Variants in ADGRL2 observed in about 807,000 individuals in gnomAD.
ADGRL2 encodes calcium-independent alpha-latrotoxin receptor 2.
A neutral mutation model predicts 157.4 loss-of-function variants in ADGRL2; 44 were observed. The ratio of observed to expected loss-of-function variants is 0.28; its 90% confidence interval spans 0.22 to 0.36. The LOEUF (loss-of-function observed/expected upper bound fraction) is 0.36. Among genes scored for constraint, ADGRL2 ranks in the 10% least tolerant of loss-of-function variants. The pLI is 1.00. For missense variants in ADGRL2, 1,510 were observed against 1,768.9 expected (o/e 0.85, Z 2.63); for synonymous variants, 585 against 624.7 (o/e 0.94, Z 0.95).
chr1:81,450,923 C>G (rs1571001502), intron 2 of ADGRL2, among the ~76,000 whole-genome samples: 1 of 152,072 alleles, frequency 6.6e-6, no homozygotes. Context: ...TTTGTTCATT[C>G]CATAAACTTA....
intron 1 of ADGRL2, among the ~76,000 whole-genome samples, chr1:81,347,269 T>C (rs1288097842): frequency 1.3e-5 from 2 of 151,824 alleles, no homozygotes; most frequent in Non-Finnish European, 2.9e-5. Context: ...GGTGTGGTGG[T>C]GTGTGTCTGT....
intron 13 of ADGRL2, among the ~76,000 whole-genome samples, chr1:81,967,214 A>C (rs1162988274): frequency 6.6e-6 from 1 of 152,162 alleles, no homozygotes. Flanking sequence ...GGCAAAGAAA[A>C]ATAAATTTGT....
intron 9 of ADGRL2, 110 bp from the exon 10 acceptor site, chr1:81,952,877 T>G (rs1652296484): frequency 9.9e-6 from 8 of 807,724 alleles, no homozygotes; most frequent in Non-Finnish European, 1.7e-5. Flanking sequence ...GACTACTGCA[T>G]ATAAACTTCG....
intron 2 of ADGRL2, among the ~76,000 whole-genome samples, chr1:81,579,659 G>T (rs572305240): frequency 2.5e-4 from 38 of 152,032 alleles, no homozygotes; most frequent in African/African-American, 8.2e-4. Flanking sequence ...CTTCTGAAGG[G>T]TGTTCAGAAT....
At chr1:81,605,702 G>A (rs573686180) in intron 3 of ADGRL2, among the ~76,000 whole-genome samples, 4 of 152,286 alleles carry the variant, frequency 2.6e-5, no homozygotes, top group African/African-American at 9.6e-5. Context: ...TATCTTGGGA[G>A]AAACTTAACA....
At chr1:81,924,280 C>T (rs985662973) in intron 3 of ADGRL2, among the ~76,000 whole-genome samples, 7 of 152,224 alleles carry the variant, frequency 4.6e-5, no homozygotes, top group East Asian at 1.9e-4. Flanking sequence ...TAATTTTCTA[C>T]CTCAGGGACT....
intron 1 of ADGRL2, among the ~76,000 whole-genome samples, chr1:81,808,689 G>A (rs947463854): frequency 6.6e-6 from 1 of 151,960 alleles, no homozygotes; most frequent in Non-Finnish European, 1.5e-5. Flanking sequence ...TATTATCAGC[G>A]ACCAAAATAC....
At chr1:81,727,945 C>T (rs1017106232) in intron 1 of ADGRL2, among the ~76,000 whole-genome samples, 5 of 151,852 alleles carry the variant, frequency 3.3e-5, no homozygotes, top group African/African-American at 4.8e-5. Context: ...TTGTTTACTG[C>T]TAAATACCAG....
At chr1:81,787,915 A>G (rs2087135926) in intron 2 of ADGRL2, among the ~76,000 whole-genome samples, 2 of 152,218 alleles carry the variant, frequency 1.3e-5, no homozygotes, top group South Asian at 4.1e-4. Flanking sequence ...TATTGACAGT[A>G]TAATTCACAC....
chr1:81,989,242 T>C (rs535558509), intron 23 of ADGRL2, among the ~76,000 whole-genome samples: 1 of 152,312 alleles, frequency 6.6e-6, no homozygotes, highest in South Asian at 2.1e-4. Context: ...GATAAAAATA[T>C]ATTAGCCAAG....
chr1:81,883,821 C>A (rs2094050574), intron 2 of ADGRL2, among the ~76,000 whole-genome samples: 1 of 151,734 alleles, frequency 6.6e-6, no homozygotes, highest in East Asian at 1.9e-4. Flanking sequence ...TACTGTCTTC[C>A]TTTATCAGTT....
chr1:81,802,190 C>A (rs2088299702), intron 1 of ADGRL2, among the ~76,000 whole-genome samples: 1 of 151,910 alleles, frequency 6.6e-6, no homozygotes, highest in South Asian at 2.1e-4. Flanking sequence ...GCGGCCCCCA[C>A]GCCAGACGGC....
chr1:81,984,510 C>A (rs1154816), intron 19 of ADGRL2, 73 bp from the exon 20 acceptor site: 285,686 of 1,360,574 alleles, frequency 0.21, 34,225 homozygotes, highest in East Asian at 0.58. Context: ...GTTGTCTTCA[C>A]TGTTCATTTA....
rs150836950 is a variant in ADGRL2, at chr1:81,668,788, T to C, written c.-143+87808T>C. 6.7e-3 allele frequency among the ~76,000 whole-genome samples: 1,013 copies of C among 152,120 alleles called. 8 individuals are homozygous for C. The highest frequency in any genetic ancestry group is 0.023 in the African/African-American group (972 of 41,494). ...TTTCACCATGTTGGCCAGGCTGTTC[T>C]TGAACTCCTGACCACTAGTGATCTG... On this transcript the variant is annotated intron_variant, in intron 3 of 24. Coordinates refer to the ADGRL2 transcript ENST00000370721.
At chr1:81,533,944 C>G (rs1294692021) in intron 2 of ADGRL2, among the ~76,000 whole-genome samples, 4 of 152,056 alleles carry the variant, frequency 2.6e-5, no homozygotes, top group Non-Finnish European at 5.9e-5. Context: ...AGAAGGAAAG[C>G]ACCTGGGCTA....
intron 2 of ADGRL2, among the ~76,000 whole-genome samples, chr1:81,891,708 G>C (rs2094269776): frequency 6.6e-6 from 1 of 151,932 alleles, no homozygotes. Context: ...TTAGACAGCT[G>C]ATCTTTTTTT....
At chr1:81,412,585 G>GT (rs2076965087) in intron 1 of ADGRL2, among the ~76,000 whole-genome samples, 1 of 152,170 alleles carries the variant, frequency 6.6e-6, no homozygotes, top group Non-Finnish European at 1.5e-5. Flanking sequence ...AGCTCGCTGG[G>GT]GGAAGAGACT....
chr1:81,432,213 T>C (rs1202549190), intron 1 of ADGRL2, among the ~76,000 whole-genome samples: 1 of 152,244 alleles, frequency 6.6e-6, no homozygotes, highest in East Asian at 1.9e-4. Flanking sequence ...GTTAGGATTA[T>C]GGAGACCATA....
intron 1 of ADGRL2, among the ~76,000 whole-genome samples, chr1:81,723,613 G>A (rs2084411272): frequency 6.6e-6 from 1 of 152,182 alleles, no homozygotes; most frequent in Non-Finnish European, 1.5e-5. Flanking sequence ...TATTGGATAT[G>A]TGGTTCCTGA....
Sources: allele counts gnomAD v4.1 joint callset (sites outside exome capture counted in the v4.1 genomes callset), GRCh38; gene constraint gnomAD v4.1.1; transcripts MANE v1.5; gene names NCBI Gene and HGNC (gene_info 2026-07-23, HGNC 2026-07-21).